CROCC2: variants seen among roughly 807,000 people sequenced by gnomAD.
The protein encoded by CROCC2 is ciliary rootlet coiled-coil protein 2.
In CROCC2, 163 loss-of-function variants were observed where a neutral mutation model predicts 177.6. That is an observed-to-expected ratio of 0.92 (90% CI 0.81 to 1.05). The LOEUF is 1.05. CROCC2 is among the 50% of genes least tolerant of loss of function. The probability of loss-of-function intolerance (pLI) is 0.00; values close to 1 mark genes in which losing one functional copy is unlikely to be tolerated. For missense variants in CROCC2, 1,929 were observed against 1,797.8 expected, an observed-to-expected ratio of 1.07 and a Z score of -1.32; for synonymous variants, 904 against 787.3, an observed-to-expected ratio of 1.15 and a Z score of -2.48.
intron 18 of CROCC2, among the ~76,000 whole-genome samples, chr2:240,952,322 A>AC (rs2059561874): frequency 6.6e-6 from 1 of 151,938 alleles, no homozygotes. Flanking sequence ...TCTCAAAAAA[A>AC]AAAAAAAAAA....
chr2:240,915,208 A>G (rs1313915008), intron 1 of CROCC2, among the ~76,000 whole-genome samples: 1 of 152,098 alleles, frequency 6.6e-6, no homozygotes, highest in Non-Finnish European at 1.5e-5. Context: ...AGGCCCTGGA[A>G]TGGGGAAGGG....
At chr2:240,919,287 C>T (rs1468171130) in intron 2 of CROCC2, among the ~76,000 whole-genome samples, 1 of 152,124 alleles carries the variant, frequency 6.6e-6, no homozygotes, top group African/African-American at 2.4e-5. Flanking sequence ...GCAGGGCTGC[C>T]GCTGTGTGGC....
intron 28 of CROCC2, among the ~76,000 whole-genome samples, chr2:240,986,896 G>C (rs1201786354): frequency 4.6e-5 from 7 of 152,124 alleles, no homozygotes. Flanking sequence ...CCTCAGGGGT[G>C]AACCCCAGAG....
At position 240,993,184 on chromosome 2, in the gene CROCC2, C is replaced by A. The variant is rs140211103; in HGVS notation, c.*103C>A. ...TTTCTCAGCGTCACAGTGAAAGGCACCCGTGATGAGACAGCTCGCTCTCGG... is the reference window on the plus strand; with the variant it reads ...TTTCTCAGCGTCACAGTGAAAGGCAACCGTGATGAGACAGCTCGCTCTCGG... On this transcript the variant is annotated 3_prime_UTR_variant, in exon 32 of 32. Transcript: ENST00000690015. The A allele has an allele frequency of 5.2e-4, 351 of 679,818 alleles. No individual in the cohort carries two copies. Among genetic ancestry groups the A allele is most frequent in the Non-Finnish European group, 7.8e-4 (282 of 360,078 alleles). 42.1% of individuals were successfully genotyped at this position (679,818 alleles called of 1,614,324 possible). A position where few individuals can be genotyped will look rare whatever the true frequency, so the allele number is the denominator to read the frequency against.
intron 15 of CROCC2, among the ~76,000 whole-genome samples, chr2:240,947,022 G>A (rs1269860290): frequency 1.3e-5 from 2 of 152,258 alleles, no homozygotes; most frequent in Admixed American, 6.5e-5. Flanking sequence ...ATCTGAATGG[G>A]TCCTGCAGCC....
At chr2:240,969,075 G>A (rs949338001) in intron 27 of CROCC2, among the ~76,000 whole-genome samples, 9 of 152,246 alleles carry the variant, frequency 5.9e-5, no homozygotes, top group East Asian at 1.9e-4. Context: ...GCCCCCAGGC[G>A]TCCCTCAACC....
At chr2:240,956,166 C>CA (rs879422630) in intron 19 of CROCC2, among the ~76,000 whole-genome samples, 194 bp downstream of exon 19, 1 of 152,252 alleles carries the variant, frequency 6.6e-6, no homozygotes, top group Non-Finnish European at 1.5e-5. Context: ...CCAAGTGAAC[C>CA]AAAGCAGTGG....
intron 14 of CROCC2, among the ~76,000 whole-genome samples, chr2:240,938,708 A>G (rs1338558532): frequency 6.6e-6 from 1 of 152,228 alleles, no homozygotes. Flanking sequence ...TGAATATGGT[A>G]TATCTCTCCA....
At chr2:240,935,933 T>G (rs557080503) in intron 14 of CROCC2, among the ~76,000 whole-genome samples, 2 of 152,244 alleles carry the variant, frequency 1.3e-5, no homozygotes, top group Non-Finnish European at 2.9e-5. Context: ...ACAGCTGAAC[T>G]CTGCGACTGC....
chr2:240,930,361 C>T, intron 6 of CROCC2, 92 bp downstream of exon 6: 1 of 451,702 alleles, frequency 2.2e-6, no homozygotes, highest in Non-Finnish European at 4.0e-6. Flanking sequence ...CCAGGGCGGG[C>T]TCTCCCGTGG....
At chr2:240,943,158 T>A (rs1425304018) in intron 14 of CROCC2, among the ~76,000 whole-genome samples, 1 of 151,916 alleles carries the variant, frequency 6.6e-6, no homozygotes, top group Non-Finnish European at 1.5e-5. Context: ...CAGGCACACA[T>A]GACCACGCCC....
rs1459675502 is a variant in CROCC2 at position 240,949,207 on chromosome 2, G to A, written c.2482+110G>A. On this transcript the variant is annotated intron_variant, in intron 16 of 31. Transcript: ENST00000690015. This position sits in a 1 kb window ranked among gnomAD's most constrained non-coding sequence, Gnocchi z 4.5. ...CTGCACCCCCTCTCCGGAGCCCACA[G>A]GGGCATGAACATGAGCTTGGAGCTC... The A allele has an allele frequency of 6.9e-7, 1 of 1,441,366 alleles. No individual in the cohort carries two copies. Among genetic ancestry groups the A allele is most frequent in the African/African-American group, 1.4e-5 (1 of 69,740 alleles). The allele number at this position is 1,441,366 out of a possible 1,614,324, so 89.3% of individuals were successfully genotyped here.
intron 1 of CROCC2, among the ~76,000 whole-genome samples, chr2:240,907,053 C>T (rs1275328851): frequency 3.9e-5 from 6 of 152,126 alleles, no homozygotes; most frequent in Non-Finnish European, 7.4e-5. Flanking sequence ...GCAGGCTGCG[C>T]ACTGGGGTGG....
In CROCC2 at chr2:240,931,057, T is replaced by G. The variant is rs977470413; in HGVS notation, c.876T>G (p.Leu292=). The G allele has an allele frequency of 5.7e-5, 41 of 716,654 alleles. 1 individual carries two copies. The East Asian group carries it at 7.0e-4, about 12-fold the overall frequency. 44.4% of individuals were successfully genotyped at this position (716,654 alleles called of 1,614,324 possible). A position where few individuals can be genotyped will look rare whatever the true frequency, so the allele number is the denominator to read the frequency against. Residue 292 remains leucine, a synonymous_variant, in exon 7 of 32, where the codon CTT becomes CTG. Coordinates refer to ENST00000690015, the MANE Select transcript of CROCC2 (RefSeq NM_001351305.2). ...SSTASTLGQQ[L]RDKAGEMLQL... is the part of the protein sequence containing the mutation. ...CGGCCAGCACCCTGGGGCAGCAGCTTCGGGACAAGGCTGGGGAGATGCTGC... is the reference window on the plus strand; with the variant it reads ...CGGCCAGCACCCTGGGGCAGCAGCTGCGGGACAAGGCTGGGGAGATGCTGC...
chr2:240,987,598 A>G (rs1349457905), intron 28 of CROCC2, among the ~76,000 whole-genome samples: 1 of 152,216 alleles, frequency 6.6e-6, no homozygotes, highest in Non-Finnish European at 1.5e-5. Flanking sequence ...GCCCGAAACC[A>G]GGCCTGCTCC....
chr2:240,959,500 G>A, intron 20 of CROCC2, 56 bp downstream of exon 20: 2 of 1,533,280 alleles, frequency 1.3e-6, no homozygotes, highest in South Asian at 2.4e-5. Flanking sequence ...AGAAAGCAGG[G>A]CAGGTACCAA....
At chr2:240,977,142 C>T (rs1574793904) in intron 27 of CROCC2, among the ~76,000 whole-genome samples, 1 of 28,670 alleles carries the variant, frequency 3.5e-5, no homozygotes. Flanking sequence ...CCTGCTCAGG[C>T]TCTGGGGTAG....
intron 27 of CROCC2, among the ~76,000 whole-genome samples, chr2:240,974,025 G>C (rs2059741699): frequency 6.6e-6 from 1 of 152,194 alleles, no homozygotes; most frequent in Admixed American, 6.5e-5. Context: ...TTTGCCCTGT[G>C]GGAGTGTAAC....
Position 240,932,914 on chromosome 2 carries a change from C to G in CROCC2, c.1251+6C>G, listed in dbSNP as rs1366701771. 3.9e-6 allele frequency: 6 copies of G among 1,544,364 alleles called. No homozygotes were observed. The East Asian group carries it at 1.5e-4, about 38-fold the overall frequency. On this transcript the variant is annotated splice_donor_region_variant and intron_variant, in intron 9 of 31. Coordinates refer to ENST00000690015, the MANE Select transcript of CROCC2 (RefSeq NM_001351305.2). ...GGCGGTGGCGGCGGGAACAGGTGGG[C>G]AGCCGCAGCCCACAGGACTCCCTGT...
Sources: allele counts gnomAD v4.1 joint callset (sites outside exome capture counted in the v4.1 genomes callset), GRCh38; gene constraint gnomAD v4.1.1; non-coding constraint Gnocchi (gnomAD v3.1); transcripts MANE v1.5; gene names NCBI Gene and HGNC (gene_info 2026-07-23, HGNC 2026-07-21).